The following TUSC3 variants were observed in gnomAD, a reference collection of about 807,000 sequenced individuals.
TUSC3 encodes tumor suppressor candidate 3.
TUSC3 carries 45 observed loss-of-function variants against 44.8 expected under a neutral mutation model. The observed-to-expected ratio is 1.00, with a 90% CI of 0.79 to 1.29. The LOEUF (loss-of-function observed/expected upper bound fraction) is 1.29, where lower values mean the gene tolerates loss of function less well. TUSC3 is among the 50% of genes most tolerant of loss of function. The pLI, the probability that TUSC3 is intolerant of heterozygous loss-of-function variation, is 0.00. For synonymous variants in TUSC3, 212 were observed against 152.9 expected (o/e 1.39, Z -2.85); for missense variants, 519 against 437.9 (o/e 1.19, Z -1.65).
intron 2 of TUSC3, among the ~76,000 whole-genome samples, chr8:15,526,684 G>C (rs779248250): frequency 1.3e-4 from 20 of 152,284 alleles, no homozygotes; most frequent in Non-Finnish European, 2.9e-5. Context: ...GGAACTGTGA[G>C]TCCATTGAAC....
At chr8:15,477,354 A>G (rs1327990177) in intron 1 of TUSC3, among the ~76,000 whole-genome samples, 1 of 152,148 alleles carries the variant, frequency 6.6e-6, no homozygotes, top group African/African-American at 2.4e-5. Flanking sequence ...TAGTGTAGAG[A>G]TAGTTAATAC....
At chr8:15,563,859 A>C (rs1802571115) in intron 1 of TUSC3, among the ~76,000 whole-genome samples, 1 of 152,080 alleles carries the variant, frequency 6.6e-6, no homozygotes, top group African/African-American at 2.4e-5. Flanking sequence ...CGTATCTTGT[A>C]GTCTCAGAAT....
At chr8:15,785,201 C>T in the TUSC3 span, among the ~76,000 whole-genome samples, 2 of 151,952 alleles carry the variant, frequency 1.3e-5, no homozygotes, top group Non-Finnish European at 2.9e-5. Flanking sequence ...CAGTACGACC[C>T]GTACCTCCAC....
intron 1 of TUSC3, among the ~76,000 whole-genome samples, chr8:15,545,932 T>A (rs961403948): frequency 6.6e-6 from 1 of 151,772 alleles, no homozygotes; most frequent in East Asian, 1.9e-4. Context: ...CTCTGATATT[T>A]GGCATATCAG....
At chr8:15,418,302 TA>T (rs1340683967) in intron 1 of TUSC3, among the ~76,000 whole-genome samples, 1 of 152,190 alleles carries the variant, frequency 6.6e-6, no homozygotes, top group African/African-American at 2.4e-5. Context: ...ATGAGTAACG[TA>T]AACAAAAGGT....
chr8:15,728,996 A>G (rs1338434795), intron 6 of TUSC3, among the ~76,000 whole-genome samples: 2 of 152,012 alleles, frequency 1.3e-5, no homozygotes, highest in East Asian at 3.9e-4. Flanking sequence ...AGGATTTGGT[A>G]ATGGGGGAGT....
chr8:15,627,900 G>C (rs1468409955), intron 2 of TUSC3, among the ~76,000 whole-genome samples: 2 of 152,242 alleles, frequency 1.3e-5, no homozygotes, highest in East Asian at 3.9e-4. Context: ...GAGACTGCCA[G>C]TCTGAGTGGA....
At chr8:15,843,667 A>G in the TUSC3 span, among the ~76,000 whole-genome samples, 4 of 150,112 alleles carry the variant, frequency 2.7e-5, no homozygotes, top group African/African-American at 1.0e-4. Context: ...TGATGTTTAT[A>G]ATTATCTATA....
At chr8:15,786,928 A>T in the TUSC3 span, among the ~76,000 whole-genome samples, 1 of 123,630 alleles carries the variant, frequency 8.1e-6, no homozygotes, top group East Asian at 2.6e-4. Flanking sequence ...TGGGCAACAG[A>T]GGGAGACTCC....
At chr8:15,738,927 A>G (rs2017701) in intron 7 of TUSC3, among the ~76,000 whole-genome samples, 93,095 of 147,284 alleles carry the variant, frequency 0.63, 29,733 homozygotes, top group East Asian at 0.77. Context: ...CTGCCTCCCA[A>G]GTTCAAGCAA....
At chr8:15,497,162 A>T (rs1196443410) in intron 2 of TUSC3, among the ~76,000 whole-genome samples, 8 of 152,174 alleles carry the variant, frequency 5.3e-5, no homozygotes, top group Non-Finnish European at 1.2e-4. Context: ...TTAATGGCGT[A>T]TTCTTGGTAA....
intron 6 of TUSC3, among the ~76,000 whole-genome samples, chr8:15,717,078 G>C (rs917397640): frequency 6.6e-6 from 1 of 152,040 alleles, no homozygotes; most frequent in South Asian, 2.1e-4. Flanking sequence ...ACAATAGACA[G>C]AATTCTGGAC....
the TUSC3 span, among the ~76,000 whole-genome samples, chr8:15,800,418 C>A: frequency 6.6e-6 from 1 of 151,888 alleles, no homozygotes; most frequent in East Asian, 1.9e-4. Context: ...ACAAAAAATA[C>A]ACAAATTAGC....
At chr8:15,482,396 A>G (rs1031725271) in intron 1 of TUSC3, among the ~76,000 whole-genome samples, 6 of 152,326 alleles carry the variant, frequency 3.9e-5, no homozygotes, top group Non-Finnish European at 7.3e-5. Context: ...AAGGTTTTCA[A>G]TATACTTTGC....
At chr8:15,621,861 T>A (rs1805261732) in intron 1 of TUSC3, among the ~76,000 whole-genome samples, 1 of 151,964 alleles carries the variant, frequency 6.6e-6, no homozygotes, top group African/African-American at 2.4e-5. Context: ...GAATGTTCTC[T>A]CTCTGCAGGT....
the TUSC3 span, chr8:15,806,090 G>A: frequency 6.1e-6 from 2 of 330,480 alleles, no homozygotes; most frequent in South Asian, 3.2e-5. Context: ...GTTCAACAAA[G>A]CTGAGCTGTA....
At chr8:15,655,596 T>G (rs952696067) in intron 3 of TUSC3, among the ~76,000 whole-genome samples, 4 of 152,222 alleles carry the variant, frequency 2.6e-5, no homozygotes, top group Non-Finnish European at 5.9e-5. Flanking sequence ...CTTCTATTCC[T>G]GCTCCAAAAC....
At chr8:15,663,921 A>G (rs28670543) in intron 5 of TUSC3, among the ~76,000 whole-genome samples, 12,375 of 151,880 alleles carry the variant, frequency 0.081, 827 homozygotes, top group East Asian at 0.25. Context: ...AGTTAATGTC[A>G]TATCAAATCT....
chr8:15,705,780 G>C (rs541407376), intron 6 of TUSC3, among the ~76,000 whole-genome samples: 1 of 152,114 alleles, frequency 6.6e-6, no homozygotes, highest in South Asian at 2.1e-4. Context: ...TCTTCAGTCT[G>C]TCAGAGTTTG....
Sources: gnomAD v4.1 joint callset for allele counts (sites outside exome capture counted in the v4.1 genomes callset) on GRCh38, gnomAD v4.1.1 for gene constraint, MANE v1.5 for transcripts, NCBI Gene and HGNC (gene_info 2026-07-23, HGNC 2026-07-21) for gene names.